The following MAGED1 variants were observed in gnomAD, a reference collection of about 807,000 sequenced individuals.
MAGED1 encodes the protein melanoma-associated antigen D1.
Under a neutral mutation model 54.1 loss-of-function variants are expected in MAGED1, and 3 were observed. The ratio of observed to expected loss-of-function variants is 0.06; its 90% CI spans 0.03 to 0.14. The LOEUF is 0.14. MAGED1 is among the 10% of genes least tolerant of loss of function. MAGED1 has a pLI of 1.00. For synonymous variants in MAGED1, 217 were observed against 227.3 expected, an observed-to-expected ratio of 0.95 and a Z score of 0.41; for missense variants, 485 against 623.4, an observed-to-expected ratio of 0.78 and a Z score of 2.36.
chrX:51,822,515 T>A (rs1469259880), intron 1 of MAGED1, among the ~76,000 whole-genome samples: 3 of 110,991 alleles, frequency 2.7e-5, no homozygotes, highest in African/African-American at 6.5e-5. Flanking sequence ...TTTTCGATTC[T>A]CTATGTCATT....
intron 9 of MAGED1, 84 bp downstream of exon 9, chrX:51,898,411 G>T (rs781881428): frequency 1.8e-6 from 2 of 1,101,086 alleles, no homozygotes; most frequent in East Asian, 6.0e-5. Flanking sequence ...TTAACCTGGG[G>T]GTCTGGAGGG....
intron 1 of MAGED1, among the ~76,000 whole-genome samples, chrX:51,872,941 G>A (rs782300099): frequency 9.0e-6 from 1 of 111,399 alleles, no homozygotes; most frequent in Non-Finnish European, 1.9e-5. Context: ...CAATCCACAA[G>A]TGCTACTCTG....
chrX:51,804,293 A>G (rs1200112701), intron 1 of MAGED1, among the ~76,000 whole-genome samples: 2 of 111,804 alleles, frequency 1.8e-5, no homozygotes, highest in Non-Finnish European at 3.8e-5. Context: ...TTGAATAAGC[A>G]GTGGACTCCT....
At chrX:51,873,747 G>T (rs538655798) in intron 1 of MAGED1, among the ~76,000 whole-genome samples, 1 of 110,692 alleles carries the variant, frequency 9.0e-6, no homozygotes, top group African/African-American at 3.3e-5. Flanking sequence ...TTTGTTCCTT[G>T]GTCCTTGGTA....
intron 1 of MAGED1, among the ~76,000 whole-genome samples, chrX:51,818,571 A>C (rs1557356264): frequency 8.9e-6 from 1 of 112,316 alleles, no homozygotes. Context: ...TGATACCACA[A>C]GCATTGTATA....
chrX:51,885,443 G>A (rs1928204321), intron 1 of MAGED1, among the ~76,000 whole-genome samples: 1 of 111,445 alleles, frequency 9.0e-6, no homozygotes, highest in Admixed American at 9.5e-5. Flanking sequence ...ATGTGTGTGT[G>A]TGTTTCTATT....
At chrX:51,804,254 T>G (rs782729554) in intron 1 of MAGED1, among the ~76,000 whole-genome samples, 10 of 111,775 alleles carry the variant, frequency 8.9e-5, no homozygotes, top group Non-Finnish European at 1.9e-4. Flanking sequence ...TCTATCAGGA[T>G]CTAACGAGGA....
At chrX:51,842,805 C>G (rs984419645) in intron 1 of MAGED1, among the ~76,000 whole-genome samples, 1 of 110,389 alleles carries the variant, frequency 9.1e-6, no homozygotes, top group Admixed American at 9.6e-5. Flanking sequence ...CCCACCTCAA[C>G]TCCCTGAGTA....
intron 1 of MAGED1, among the ~76,000 whole-genome samples, chrX:51,839,980 T>G (rs1188056448): frequency 8.9e-6 from 1 of 112,305 alleles, no homozygotes; most frequent in Non-Finnish European, 1.9e-5. Context: ...AGATTGAAAC[T>G]ATTTTCAATA....
chrX:51,859,883 T>C (rs1404255520), intron 1 of MAGED1, among the ~76,000 whole-genome samples: 2 of 110,954 alleles, frequency 1.8e-5, no homozygotes, highest in Non-Finnish European at 3.8e-5. Flanking sequence ...TGCAGTGAGC[T>C]GAGATCATGC....
At chrX:51,873,654 A>G (rs1927772847) in intron 1 of MAGED1, among the ~76,000 whole-genome samples, 1 of 110,180 alleles carries the variant, frequency 9.1e-6, no homozygotes, top group Non-Finnish European at 1.9e-5. Flanking sequence ...TGCTTAAAAT[A>G]ATTAGGGGAT....
At chrX:51,827,997 G>A (rs1394746378) in intron 1 of MAGED1, among the ~76,000 whole-genome samples, 1 of 111,729 alleles carries the variant, frequency 9.0e-6, no homozygotes, top group Non-Finnish European at 1.9e-5. Flanking sequence ...TGTGATAGCT[G>A]TTAGGTCATT....
chrX:51,880,729 A>G (rs1557362415), intron 1 of MAGED1, among the ~76,000 whole-genome samples: 1 of 111,696 alleles, frequency 9.0e-6, no homozygotes, highest in African/African-American at 3.3e-5. Context: ...GGGTACCAAC[A>G]TAAAGAGAAC....
chrX:51,823,897 G>A (rs1479920542), intron 1 of MAGED1, among the ~76,000 whole-genome samples: 3 of 110,774 alleles, frequency 2.7e-5, no homozygotes, highest in Non-Finnish European at 3.8e-5. Context: ...CAAAAGCTTT[G>A]CTTCTTTAAT....
At chrX:51,888,956 G>A (rs782029737), upstream of MAGED1, among the ~76,000 whole-genome samples, 1,201 of 111,902 alleles carry the variant, frequency 0.011, 12 homozygotes, top group African/African-American at 0.037. Flanking sequence ...GGCTGCCAGG[G>A]GTTAGGGATG....
chrX:51,844,670 G>T (rs1357053594), intron 1 of MAGED1, among the ~76,000 whole-genome samples: 6 of 111,694 alleles, frequency 5.4e-5, no homozygotes, highest in African/African-American at 2.0e-4. Context: ...TACTGCCTTG[G>T]AAGAGGGCTT....
At chrX:51,804,262 G>A (rs1438397230) in intron 1 of MAGED1, among the ~76,000 whole-genome samples, 3 of 111,561 alleles carry the variant, frequency 2.7e-5, no homozygotes, top group Non-Finnish European at 5.6e-5. Flanking sequence ...GATCTAACGA[G>A]GAATTTAACC....
At chrX:51,842,869 A>G (rs1265085540) in intron 1 of MAGED1, among the ~76,000 whole-genome samples, 10 of 92,972 alleles carry the variant, frequency 1.1e-4, no homozygotes, top group African/African-American at 4.0e-4. Context: ...TTTTTTTTTT[A>G]TGTTTGGTAA....
At chrX:51,814,103 C>T (rs1406891647) in intron 1 of MAGED1, among the ~76,000 whole-genome samples, 1 of 110,922 alleles carries the variant, frequency 9.0e-6, no homozygotes, top group Admixed American at 9.6e-5. Context: ...AGCTGACTGC[C>T]CATTGGGTGG....
Sources: allele counts gnomAD v4.1 joint callset (sites outside exome capture counted in the v4.1 genomes callset), GRCh38; gene constraint gnomAD v4.1.1; transcripts MANE v1.5; gene names NCBI Gene and HGNC (gene_info 2026-07-23, HGNC 2026-07-21).